The following CLIP1 variants were observed in gnomAD, a reference collection of about 807,000 sequenced individuals.
The protein encoded by CLIP1 is CAP-Gly domain-containing linker protein 1.
In CLIP1, 66 loss-of-function variants were observed where a neutral mutation model predicts 161.6. The ratio of observed to expected loss-of-function variants is 0.41; its 90% CI spans 0.33 to 0.50. The LOEUF is 0.50. Ranked by LOEUF, CLIP1 falls within the 20% of genes least tolerant of loss-of-function variation. The probability of loss-of-function intolerance (pLI) is 0.27; values close to 1 mark genes in which losing one functional copy is unlikely to be tolerated. For synonymous variants in CLIP1, 598 were observed against 626.2 expected (o/e 0.96, Z 0.67); for missense variants, 1,376 against 1,702.0 (o/e 0.81, Z 3.37).
intron 25 of CLIP1, among the ~76,000 whole-genome samples, chr12:122,273,531 G>A (rs186739475): frequency 2.7e-5 from 4 of 150,856 alleles, no homozygotes; most frequent in Admixed American, 1.3e-4. Context: ...GATTACAGTC[G>A]TGGCCACCAC....
At chr12:122,378,676 T>C (rs889243216) in intron 2 of CLIP1, among the ~76,000 whole-genome samples, 5 of 152,144 alleles carry the variant, frequency 3.3e-5, no homozygotes, top group East Asian at 1.9e-4. Context: ...TACTCCACAA[T>C]TGAGTAGTCA....
intron 1 of CLIP1, among the ~76,000 whole-genome samples, chr12:122,410,818 G>A (rs997961890): frequency 1.3e-5 from 2 of 152,102 alleles, no homozygotes; most frequent in African/African-American, 4.8e-5. Flanking sequence ...CTCCAAAGAA[G>A]CTATACAAAC....
In CLIP1 at chr12:122,380,491, G is replaced by A. The variant is rs1409703211; in HGVS notation, c.-39C>T. ...CAGAGCTGTTTCTCCTTTGCCTGTTGCCACTATCTTTCCCCAACCATTGAT... is the reference window on the plus strand; with the variant it reads ...CAGAGCTGTTTCTCCTTTGCCTGTTACCACTATCTTTCCCCAACCATTGAT... On this transcript the variant is annotated 5_prime_UTR_variant, in exon 2 of 26. Transcript: ENST00000620786. 7.5e-7 allele frequency: 1 copy of A among 1,333,256 alleles called. No homozygotes were observed. 82.6% of individuals were successfully genotyped at this position (1,333,256 alleles called of 1,614,324 possible). A position where few individuals can be genotyped will look rare whatever the true frequency, so the allele number is the denominator to read the frequency against.
intron 3 of CLIP1, among the ~76,000 whole-genome samples, chr12:122,373,530 A>AAAAAACTT (rs1467555973): frequency 6.6e-6 from 1 of 152,080 alleles, no homozygotes; most frequent in East Asian, 1.9e-4. Flanking sequence ...CTGAAAAAAA[A>AAAAAACTT]AAAAACTTAC....
chr12:122,405,681 G>A (rs373817080), intron 1 of CLIP1, among the ~76,000 whole-genome samples: 4 of 151,606 alleles, frequency 2.6e-5, no homozygotes, highest in Admixed American at 2.0e-4. Context: ...CCAGCTACTC[G>A]GGAGGCTGAG....
intron 3 of CLIP1, among the ~76,000 whole-genome samples, chr12:122,369,146 GC>G (rs1954309141): frequency 6.6e-6 from 1 of 151,716 alleles, no homozygotes; most frequent in Non-Finnish European, 1.5e-5. Context: ...AGCCTCCCAA[GC>G]AGCTGGGATT....
At chr12:122,366,993 C>T (rs1349396950) in intron 3 of CLIP1, among the ~76,000 whole-genome samples, 1 of 152,186 alleles carries the variant, frequency 6.6e-6, no homozygotes, top group Non-Finnish European at 1.5e-5. Context: ...TCCTCCCACA[C>T]CACACCATTC....
intron 5 of CLIP1, among the ~76,000 whole-genome samples, chr12:122,357,054 C>T (rs1953432773): frequency 6.6e-6 from 1 of 152,168 alleles, no homozygotes; most frequent in Non-Finnish European, 1.5e-5. Context: ...TCTGCCCAGC[C>T]GCCACCCCGT....
intron 1 of CLIP1, among the ~76,000 whole-genome samples, chr12:122,415,722 G>A (rs1956730117): frequency 6.6e-6 from 1 of 151,842 alleles, no homozygotes; most frequent in Non-Finnish European, 1.5e-5. Context: ...AAGAGGCTGA[G>A]GCAGGAGAAT....
chr12:122,376,745 C>T (rs775428023), intron 3 of CLIP1, among the ~76,000 whole-genome samples: 1 of 151,824 alleles, frequency 6.6e-6, no homozygotes, highest in Non-Finnish European at 1.5e-5. Context: ...GCTGGGATTA[C>T]AGGCATGAGC....
chr12:122,287,826 A>G (rs973928565), intron 21 of CLIP1, among the ~76,000 whole-genome samples: 2 of 152,178 alleles, frequency 1.3e-5, no homozygotes, highest in African/African-American at 4.8e-5. Context: ...TGAACATTAA[A>G]ATTTTCATAT....
intron 5 of CLIP1, among the ~76,000 whole-genome samples, chr12:122,356,971 G>A (rs963085616): frequency 1.3e-5 from 2 of 152,168 alleles, no homozygotes; most frequent in African/African-American, 2.4e-5. Context: ...GTGCAGTAGC[G>A]TGATCTCGGC....
chr12:122,309,455 G>A (rs532678078), intron 20 of CLIP1, among the ~76,000 whole-genome samples: 2 of 152,312 alleles, frequency 1.3e-5, no homozygotes, highest in Non-Finnish European at 2.9e-5. Context: ...TAGTAGTAGG[G>A]TGAAGATACT....
chr12:122,357,218 G>A (rs963985810), intron 5 of CLIP1, among the ~76,000 whole-genome samples: 2 of 141,014 alleles, frequency 1.4e-5, no homozygotes, highest in East Asian at 2.2e-4. Flanking sequence ...GCCGCCCATC[G>A]TCTGAGATGT....
At chr12:122,318,226 C>A (rs1951343499) in intron 18 of CLIP1, among the ~76,000 whole-genome samples, 1 of 152,140 alleles carries the variant, frequency 6.6e-6, no homozygotes, top group Non-Finnish European at 1.5e-5. Flanking sequence ...TAATGTCTTA[C>A]CTGCCTATTA....
chr12:122,361,735 G>A (rs746987950), intron 4 of CLIP1, among the ~76,000 whole-genome samples: 2 of 152,152 alleles, frequency 1.3e-5, no homozygotes, highest in Non-Finnish European at 2.9e-5. Flanking sequence ...GCATGGTGGT[G>A]CAGGAGGCTC....
chr12:122,320,899 G>A (rs1001834311), intron 17 of CLIP1, among the ~76,000 whole-genome samples: 4 of 151,244 alleles, frequency 2.6e-5, no homozygotes, highest in Non-Finnish European at 4.4e-5. Flanking sequence ...TAGTAGAGAC[G>A]GGGTTTCACC....
chr12:122,343,511 CCT>C (rs1952605529), intron 10 of CLIP1: 1 of 152,108 alleles, frequency 6.6e-6, no homozygotes, highest in Admixed American at 6.5e-5. Flanking sequence ...CACAAAATCC[CCT>C]TTTTAGATAT....
intron 5 of CLIP1, among the ~76,000 whole-genome samples, chr12:122,356,557 G>A (rs1185949875): frequency 6.6e-6 from 1 of 152,002 alleles, no homozygotes; most frequent in African/African-American, 2.4e-5. Context: ...AGCGCACACA[G>A]TAACATGAAG....
Sources: allele counts gnomAD v4.1 joint callset (sites outside exome capture counted in the v4.1 genomes callset), GRCh38; gene constraint gnomAD v4.1.1; transcripts MANE v1.5; gene names NCBI Gene and HGNC (gene_info 2026-07-23, HGNC 2026-07-21).